ELAVL2: variants seen among roughly 807,000 people sequenced by gnomAD.
ELAVL2 encodes ELAV like RNA binding protein 2.
ELAVL2 carries 4 observed loss-of-function variants against 34.6 expected under a neutral mutation model. The ratio of observed to expected loss-of-function variants is 0.12; its 90% CI spans 0.06 to 0.26. ELAVL2 has a LOEUF of 0.26. Among genes scored for constraint, ELAVL2 ranks in the 10% least tolerant of loss-of-function variants. The pLI is 1.00. For missense variants in ELAVL2, 432 were observed against 442.8 expected (o/e 0.98, Z 0.22); for synonymous variants, 193 against 154.8 (o/e 1.25, Z -1.83).
At chr9:23,701,819 C>T (rs1418684187) in intron 4 of ELAVL2, among the ~76,000 whole-genome samples, 1 of 152,178 alleles carries the variant, frequency 6.6e-6, no homozygotes. Flanking sequence ...ATTCGTGTCA[C>T]TTACATAATC....
At chr9:23,805,238 A>G (rs1304248315) in intron 1 of ELAVL2, among the ~76,000 whole-genome samples, 1 of 152,246 alleles carries the variant, frequency 6.6e-6, no homozygotes, top group Non-Finnish European at 1.5e-5. Context: ...TAAAAGAAAT[A>G]TGGCTAAATG....
Position 23,692,797 on chromosome 9 carries a change from C to T in ELAVL2, c.840G>A (p.Val280=). The part of the protein sequence containing the change: ...GHPGTGWCIF[V]YNLAPDADES... ...CATCTGCGTCAGGAGCCAGGTTGTA[C>T]ACAAATATACACCACCCTGTTCCAG... The change falls in exon 7 of 7, where the codon GTG becomes GTA. Residue 280 remains valine (V), a synonymous_variant. Coordinates refer to ENST00000397312, the MANE Select transcript of ELAVL2 (RefSeq NM_004432.5). 6.2e-7 allele frequency: 1 copy of T among 1,614,160 alleles called. No homozygotes were observed. Among genetic ancestry groups the T allele is most frequent in the Non-Finnish European group, 8.5e-7 (1 of 1,180,012 alleles).
intron 1 of ELAVL2, among the ~76,000 whole-genome samples, chr9:23,783,137 T>C (rs1416447270): frequency 1.3e-5 from 2 of 152,210 alleles, no homozygotes; most frequent in Non-Finnish European, 2.9e-5. Context: ...CTCCAATACC[T>C]GTGAAAGGTA....
intron 3 of ELAVL2, among the ~76,000 whole-genome samples, chr9:23,721,693 T>G (rs1353927713): frequency 6.6e-6 from 1 of 152,194 alleles, no homozygotes. Context: ...AACCCCTCCC[T>G]CTTCCTCTGC....
intron 2 of ELAVL2, among the ~76,000 whole-genome samples, chr9:23,733,363 C>G (rs541737335): frequency 6.6e-6 from 1 of 152,198 alleles, no homozygotes; most frequent in South Asian, 2.1e-4. Context: ...ACCTTGGGCT[C>G]TGATTTTATC....
chr9:23,806,774 G>C (rs1244736972), intron 1 of ELAVL2, among the ~76,000 whole-genome samples: 2 of 152,130 alleles, frequency 1.3e-5, no homozygotes, highest in African/African-American at 4.8e-5. Context: ...CTATTAAGGA[G>C]AGACCAGACA....
intron 2 of ELAVL2, chr9:23,735,288 C>G (rs1371711807): frequency 6.6e-6 from 1 of 151,942 alleles, no homozygotes; most frequent in Non-Finnish European, 1.5e-5. Flanking sequence ...AATCTTTCTT[C>G]TTTTGAGGCA....
chr9:23,751,671 A>AAT (rs1229014087), intron 2 of ELAVL2, among the ~76,000 whole-genome samples: 4 of 152,152 alleles, frequency 2.6e-5, no homozygotes, highest in Admixed American at 6.5e-5. Context: ...TAAAAGTAAA[A>AAT]ATAAGCCGCA....
At chr9:23,717,025 G>A (rs542723649) in intron 3 of ELAVL2, among the ~76,000 whole-genome samples, 1 of 152,312 alleles carries the variant, frequency 6.6e-6, no homozygotes, top group South Asian at 2.1e-4. Flanking sequence ...AGAATACAGA[G>A]ACAGTTTCCC....
intron 3 of ELAVL2, among the ~76,000 whole-genome samples, chr9:23,719,463 T>C (rs1272882214): frequency 6.6e-6 from 1 of 152,194 alleles, no homozygotes; most frequent in East Asian, 1.9e-4. Flanking sequence ...AGACATTGCT[T>C]AATGAAGAAC....
intron 1 of ELAVL2, among the ~76,000 whole-genome samples, chr9:23,762,883 A>G (rs1417743638): frequency 6.6e-6 from 1 of 152,240 alleles, no homozygotes; most frequent in East Asian, 1.9e-4. Context: ...GGGAGTGGAA[A>G]GGAACTAACT....
intron 1 of ELAVL2, among the ~76,000 whole-genome samples, chr9:23,768,845 A>G (rs1487116303): frequency 3.9e-5 from 6 of 152,198 alleles, no homozygotes; most frequent in Admixed American, 3.9e-4. Flanking sequence ...GATCTTGAAG[A>G]AGGCATTTAG....
chr9:23,766,378 A>G (rs2056260282), intron 1 of ELAVL2, among the ~76,000 whole-genome samples: 1 of 152,124 alleles, frequency 6.6e-6, no homozygotes, highest in Non-Finnish European at 1.5e-5. Flanking sequence ...TAAGAACCCA[A>G]CTGTAGTTAA....
At chr9:23,798,918 T>C (rs2061276892) in intron 1 of ELAVL2, among the ~76,000 whole-genome samples, 1 of 152,204 alleles carries the variant, frequency 6.6e-6, no homozygotes, top group African/African-American at 2.4e-5. Context: ...TACAACCTAA[T>C]AGGCATCATT....
At position 23,762,554 on chromosome 9, in the gene ELAVL2, C is replaced by A. The variant is rs185631754; in HGVS notation, c.-15-305G>T. ...TATCCTTACTCACCTGCAGTGTCCA[C>A]AGATGAGAAAATCAAGTACCAAAGG... On this transcript the variant is annotated intron_variant, in intron 1 of 6. Coordinates refer to ENST00000397312, the MANE Select transcript of ELAVL2 (RefSeq NM_004432.5). Among the ~76,000 whole-genome samples, 259 of 152,172 alleles carry A rather than the reference C, an allele frequency of 1.7e-3. 1 individual carries two copies. Among genetic ancestry groups the A allele is most frequent in the African/African-American group, 6.0e-3 (251 of 41,532 alleles).
rs374707908 is a variant in ELAVL2 at position 23,731,097 on chromosome 9, G to A, written c.258C>T (p.Asn86=). 53 of 1,612,754 alleles carry A rather than the reference G, an allele frequency of 3.3e-5. No individual in the cohort carries two copies. Among genetic ancestry groups the A allele is most frequent in the Non-Finnish European group, 4.2e-5 (50 of 1,179,314 alleles). ...TGQSLGYGFV[N]YIDPKDAEKA... ...TCTCTGCATCCTTGGGGTCAATGTA[G>A]TTCACAAAGCCATATCCCAAGCTCT... Residue 86 remains asparagine (N), a synonymous_variant, in exon 3 of 7, where the codon AAC becomes AAT. Transcript: ENST00000397312.
intron 1 of ELAVL2, chr9:23,821,249 T>G (rs2064639509): frequency 6.6e-6 from 1 of 152,404 alleles, no homozygotes; most frequent in East Asian, 1.9e-4. Context: ...AGTTTCCTTC[T>G]TGCGCTACAC....
chr9:23,821,702 T>TGGCGGCGGCGGC (rs879275152), intron 1 of ELAVL2: 2 of 151,732 alleles, frequency 1.3e-5, no homozygotes, highest in Non-Finnish European at 2.9e-5. Context: ...GGAGAGGCGG[T>TGGCGGCGGCGGC]GGCGGCGGCG....
At chr9:23,775,878 A>T (rs1022055527) in intron 1 of ELAVL2, among the ~76,000 whole-genome samples, 1 of 152,204 alleles carries the variant, frequency 6.6e-6, no homozygotes, top group African/African-American at 2.4e-5. Context: ...AAGAGAGCAG[A>T]CAAACCTCGA....
Sources: allele counts gnomAD v4.1 joint callset (sites outside exome capture counted in the v4.1 genomes callset), GRCh38; gene constraint gnomAD v4.1.1; transcripts MANE v1.5; gene names NCBI Gene and HGNC (gene_info 2026-07-23, HGNC 2026-07-21).